Variants in RNF220 observed in about 807,000 individuals in gnomAD.
The protein encoded by RNF220 is ring finger protein 220.
In RNF220, 7 loss-of-function variants were observed where a neutral mutation model predicts 67.1. That is an observed-to-expected ratio of 0.10 (90% CI 0.06 to 0.20). RNF220 has a LOEUF of 0.20. Among genes scored for constraint, RNF220 ranks in the 10% least tolerant of loss-of-function variants. The probability of loss-of-function intolerance (pLI) is 1.00; values close to 1 mark genes in which losing one functional copy is unlikely to be tolerated. For synonymous variants in RNF220, 270 were observed against 283.2 expected, an observed-to-expected ratio of 0.95 and a Z score of 0.47; for missense variants, 565 against 740.3, an observed-to-expected ratio of 0.76 and a Z score of 2.75.
At chr1:44,646,464 G>A (rs922336370) in intron 12 of RNF220, among the ~76,000 whole-genome samples, 2 of 152,262 alleles carry the variant, frequency 1.3e-5, no homozygotes, top group Non-Finnish European at 1.5e-5. Flanking sequence ...TGTCAGCGCC[G>A]GAGCGGGCCG....
chr1:44,583,716 A>C (rs866924874), intron 2 of RNF220, among the ~76,000 whole-genome samples: 2 of 152,240 alleles, frequency 1.3e-5, no homozygotes, highest in Non-Finnish European at 2.9e-5. Context: ...TTCTTTGTGC[A>C]TTCAGGGTAA....
At chr1:44,617,646 G>C (rs1192341544) in intron 3 of RNF220, among the ~76,000 whole-genome samples, 2 of 152,236 alleles carry the variant, frequency 1.3e-5, no homozygotes, top group Non-Finnish European at 2.9e-5. Flanking sequence ...GTTGGGAAAA[G>C]ATGACACACT....
chr1:44,648,005 T>C (rs1250527005), intron 12 of RNF220, among the ~76,000 whole-genome samples: 4 of 152,248 alleles, frequency 2.6e-5, no homozygotes, highest in African/African-American at 9.6e-5. Context: ...TGAGGTCCTC[T>C]TGCATGCCAT....
intron 2 of RNF220, among the ~76,000 whole-genome samples, chr1:44,421,480 CTG>C (rs1649207377): frequency 1.3e-5 from 2 of 151,962 alleles, no homozygotes. Context: ...CTTCCCCCAT[CTG>C]TGTGTGTCAC....
At chr1:44,533,212 TG>T (rs1221287956) in intron 2 of RNF220, among the ~76,000 whole-genome samples, 1 of 152,178 alleles carries the variant, frequency 6.6e-6, no homozygotes, top group Non-Finnish European at 1.5e-5. Context: ...AAGTCCAGGC[TG>T]GGCATGGTGG....
chr1:44,517,769 T>C (rs1659570239), intron 2 of RNF220, among the ~76,000 whole-genome samples: 1 of 152,216 alleles, frequency 6.6e-6, no homozygotes, highest in African/African-American at 2.4e-5. Context: ...TAAAAAGGAA[T>C]ATTAAATTAA....
At chr1:44,446,140 A>C (rs7553056) in intron 2 of RNF220, among the ~76,000 whole-genome samples, 1 of 152,048 alleles carries the variant, frequency 6.6e-6, no homozygotes, top group African/African-American at 2.4e-5. Flanking sequence ...ACATAAAAAC[A>C]TGAGTATTAA....
rs1647239113 is a variant in RNF220, at chr1:44,405,382, T to TGCTGCTGCTGCTGCCGCTGCC, written c.-263_-243dup. ...AAACCCGGGGCCAGCCGCCTACTGC[T>TGCTGCTGCTGCTGCCGCTGCC]GCTGCTGCTGCTGCCGCTGCCGCCG... On this transcript the variant is annotated 5_prime_UTR_variant, in exon 1 of 15. Coordinates refer to ENST00000361799, the MANE Select transcript of RNF220 (RefSeq NM_018150.4). The TGCTGCTGCTGCTGCCGCTGCC allele has an allele frequency of 1.1e-5, 7 of 623,784 alleles. No homozygotes were observed. Among genetic ancestry groups the TGCTGCTGCTGCTGCCGCTGCC allele is most frequent in the Non-Finnish European group, 2.0e-5 (7 of 346,580 alleles). The allele number at this position is 623,784 out of a possible 1,614,324, so 38.6% of individuals were successfully genotyped here.
chr1:44,480,006 C>T (rs1479923798), intron 2 of RNF220, among the ~76,000 whole-genome samples: 1 of 152,192 alleles, frequency 6.6e-6, no homozygotes, highest in Non-Finnish European at 1.5e-5. Context: ...CTATTATTCC[C>T]GGCTTTTATA....
chr1:44,634,759 T>C (rs80147593), intron 6 of RNF220, among the ~76,000 whole-genome samples: 3,849 of 152,384 alleles, frequency 0.025, 80 homozygotes, highest in Non-Finnish European at 0.042. Flanking sequence ...AGCAGTGTTG[T>C]GGGCTTGCAG....
At position 44,632,354 on chromosome 1, in the gene RNF220, A is replaced by G. The variant is rs1479297131; in HGVS notation, c.918A>G (p.Arg306=). The change falls in exon 6 of 15, where the codon CGA becomes CGG. Residue 306 remains arginine (R), a synonymous_variant. Transcript: ENST00000361799. ...CGATCTTCTCCCAGACCTTTCTGCG[A>G]GTACGAGCCAACCGGCAGACCCGAC... ...HHSDRYQTFL[R]VRANRQTRLN... is the part of the protein sequence containing the mutation. The G allele has an allele frequency of 6.2e-7, 1 of 1,613,978 alleles. No individual in the cohort carries two copies.
intron 2 of RNF220, among the ~76,000 whole-genome samples, chr1:44,478,729 AAGAG>A (rs927776766): frequency 6.6e-6 from 1 of 152,072 alleles, no homozygotes; most frequent in African/African-American, 2.4e-5. Flanking sequence ...CTCTAAAAAA[AAGAG>A]AGAGAGAGAA....
chr1:44,453,531 T>G (rs528058549), intron 2 of RNF220, among the ~76,000 whole-genome samples: 1 of 152,238 alleles, frequency 6.6e-6, no homozygotes, highest in Non-Finnish European at 1.5e-5. Flanking sequence ...AAAATATATA[T>G]AACTTTTTGA....
intron 2 of RNF220, among the ~76,000 whole-genome samples, chr1:44,562,988 G>T (rs1663700896): frequency 6.6e-6 from 1 of 152,180 alleles, no homozygotes; most frequent in Non-Finnish European, 1.5e-5. Context: ...CCTGAATGGG[G>T]CTGGGAACAA....
chr1:44,460,974 T>C (rs946960), intron 2 of RNF220, among the ~76,000 whole-genome samples: 39,057 of 152,048 alleles, frequency 0.26, 5,246 homozygotes, highest in South Asian at 0.31. Context: ...ATAATTAGTT[T>C]GGTTTGGGTG....
intron 1 of RNF220, 86 bp from the exon 2 acceptor site, chr1:44,411,895 T>C (rs1648004574): frequency 1.7e-6 from 1 of 575,836 alleles, no homozygotes; most frequent in African/African-American, 1.9e-5. Context: ...GCCAGAAGGA[T>C]GGTGTTTCGA....
intron 2 of RNF220, among the ~76,000 whole-genome samples, chr1:44,609,951 G>A (rs1667546816): frequency 6.6e-6 from 1 of 152,216 alleles, no homozygotes; most frequent in African/African-American, 2.4e-5. Context: ...TCGCCTCCCT[G>A]CTCTTGGAGC....
rs535383804 is a variant in RNF220 at position 44,626,903 on chromosome 1, A to C, written c.906+505A>C. On this transcript the variant is annotated intron_variant, in intron 5 of 14. Transcript: ENST00000361799. Reference sequence around the variant, plus strand: ...AATACAAAAATTAGCTGGGCATGGTAGCGTGTGCCTGTAGTCCCAGCTACT... The same window carrying C: ...AATACAAAAATTAGCTGGGCATGGTCGCGTGTGCCTGTAGTCCCAGCTACT... 2.6e-4 allele frequency: 40 copies of C among 151,462 alleles called. 2 individuals are homozygous for C. The South Asian group carries it at 8.1e-3, about 31-fold the overall frequency. The allele number at this position is 151,462 out of a possible 1,614,324, so 9.4% of individuals were successfully genotyped here.
intron 3 of RNF220, among the ~76,000 whole-genome samples, chr1:44,619,233 G>C (rs1643691344): frequency 6.6e-6 from 1 of 152,200 alleles, no homozygotes; most frequent in African/African-American, 2.4e-5. Context: ...AACTTAGAGA[G>C]ATTCTCTGGG....
Sources: gnomAD v4.1 joint callset for allele counts (sites outside exome capture counted in the v4.1 genomes callset) on GRCh38, gnomAD v4.1.1 for gene constraint, MANE v1.5 for transcripts, NCBI Gene and HGNC (gene_info 2026-07-23, HGNC 2026-07-21) for gene names.